Variants in RALB observed in about 807,000 individuals in gnomAD.
The protein encoded by RALB is RAS like proto-oncogene B, also known as ras-related protein Ral-B.
A neutral mutation model predicts 21.3 loss-of-function variants in RALB; 16 were observed. The ratio of observed to expected loss-of-function variants is 0.75; its 90% confidence interval spans 0.51 to 1.14. RALB has a LOEUF of 1.14. RALB is among the 50% of genes most tolerant of loss of function. The pLI is 0.00. For missense variants in RALB, 161 were observed against 256.2 expected (o/e 0.63, Z 2.54); for synonymous variants, 93 against 96.1 (o/e 0.97, Z 0.19).
chr2:120,286,990 C>T lies in RALB; in HGVS notation c.323+908C>T, dbSNP rs557436697. Among the ~76,000 whole-genome samples, 494 of 152,266 alleles carry T rather than the reference C, an allele frequency of 3.2e-3. 3 individuals are homozygous for T. The highest frequency in any genetic ancestry group is 0.014 in the Middle Eastern group (4 of 294). ...ACCCCATGCCCTTCCCTTTCTCCTA[C>T]ATAATTGAGTTTTAAAAAATCTGTT... On this transcript the variant is annotated intron_variant, in intron 3 of 4. Coordinates refer to ENST00000272519, the MANE Select transcript of RALB (RefSeq NM_002881.3).
intron 1 of RALB, among the ~76,000 whole-genome samples, chr2:120,241,681 G>A (rs1558941775): frequency 6.6e-6 from 1 of 152,066 alleles, no homozygotes; most frequent in Admixed American, 6.5e-5. Context: ...AGCTGAGATC[G>A]TGCCATTGTA....
At chr2:120,275,633 A>ATG (rs1430626540) in intron 1 of RALB, among the ~76,000 whole-genome samples, 20 of 151,888 alleles carry the variant, frequency 1.3e-4, no homozygotes, top group Non-Finnish European at 2.1e-4. Flanking sequence ...TCGCCCAGTG[A>ATG]TGTGTGTGTG....
At chr2:120,291,897 C>T (rs1384808443) in intron 4 of RALB, among the ~76,000 whole-genome samples, 1 of 152,060 alleles carries the variant, frequency 6.6e-6, no homozygotes, top group Non-Finnish European at 1.5e-5. Flanking sequence ...GAGGCTTGAT[C>T]TTGCTTTTCA....
intron 1 of RALB, among the ~76,000 whole-genome samples, chr2:120,254,097 G>T (rs1406038118): frequency 6.6e-6 from 1 of 152,232 alleles, no homozygotes; most frequent in Non-Finnish European, 1.5e-5. Flanking sequence ...ACCATGAAAG[G>T]TAGCACTGCA....
intron 1 of RALB, among the ~76,000 whole-genome samples, chr2:120,269,366 T>C (rs1689595237): frequency 6.6e-6 from 1 of 152,204 alleles, no homozygotes; most frequent in Non-Finnish European, 1.5e-5. Flanking sequence ...TAAGATTTAT[T>C]GTGAAGAGTG....
intron 1 of RALB, among the ~76,000 whole-genome samples, chr2:120,258,209 A>C (rs1415855832): frequency 1.3e-5 from 2 of 152,228 alleles, no homozygotes; most frequent in African/African-American, 4.8e-5. Flanking sequence ...AACTTGGCCT[A>C]CACTGGGGTC....
intron 1 of RALB, among the ~76,000 whole-genome samples, chr2:120,247,141 T>C (rs373550575): frequency 1.4e-3 from 217 of 152,194 alleles, no homozygotes; most frequent in African/African-American, 5.0e-3. Flanking sequence ...GCCCAGAGCA[T>C]GCGTCTGCGG....
At chr2:120,286,587 G>A (rs1313122955) in intron 3 of RALB, among the ~76,000 whole-genome samples, 4 of 152,206 alleles carry the variant, frequency 2.6e-5, no homozygotes, top group African/African-American at 9.7e-5. Context: ...TTAGAGTCAG[G>A]AGACCTGGTT....
chr2:120,273,023 A>C (rs1259202481), intron 1 of RALB, among the ~76,000 whole-genome samples: 1 of 152,164 alleles, frequency 6.6e-6, no homozygotes, highest in Non-Finnish European at 1.5e-5. Flanking sequence ...TCTTATCTCT[A>C]ATACCCTGTG....
intron 1 of RALB, among the ~76,000 whole-genome samples, chr2:120,265,002 G>C (rs1689466120): frequency 6.6e-6 from 1 of 152,174 alleles, no homozygotes; most frequent in Non-Finnish European, 1.5e-5. Context: ...TCTATTGATG[G>C]ACATTTGGGT....
At chr2:120,250,181 G>A (rs1423278447), upstream of RALB, among the ~76,000 whole-genome samples, 12 of 152,230 alleles carry the variant, frequency 7.9e-5, no homozygotes, top group East Asian at 5.8e-4. Flanking sequence ...CCTTGCATCC[G>A]TCAGAGCAGG....
chr2:120,286,615 G>A lies in RALB; in HGVS notation c.323+533G>A, dbSNP rs371409732. 9.9e-5 allele frequency among the ~76,000 whole-genome samples: 15 copies of A among 152,282 alleles called. No individual in the cohort carries two copies. The East Asian group carries it at 2.7e-3, about 27-fold the overall frequency. ...ACCTGGTTTGAATCCCTGCCTTGCC[G>A]CTCACTGACCATGGGCAAGTTTACT... On this transcript the variant is annotated intron_variant, in intron 3 of 4. Coordinates refer to ENST00000272519, the MANE Select transcript of RALB (RefSeq NM_002881.3).
At chr2:120,268,352 T>C (rs1343637612) in intron 1 of RALB, among the ~76,000 whole-genome samples, 1 of 152,218 alleles carries the variant, frequency 6.6e-6, no homozygotes, top group Admixed American at 6.5e-5. Flanking sequence ...TGACATACAT[T>C]AGTAGTCTGC....
At chr2:120,249,956 C>T (rs1373403600), upstream of RALB, among the ~76,000 whole-genome samples, 2 of 152,202 alleles carry the variant, frequency 1.3e-5, no homozygotes, top group Non-Finnish European at 2.9e-5. Context: ...AGGCTTATGC[C>T]TCTGCCTGAA....
At chr2:120,292,485 C>T (rs914803871) in intron 4 of RALB, among the ~76,000 whole-genome samples, 2 of 152,184 alleles carry the variant, frequency 1.3e-5, no homozygotes, top group African/African-American at 4.8e-5. Context: ...TCAAGAGCAC[C>T]TGGGAGCAGG....
intron 3 of RALB, 79 bp downstream of exon 3, chr2:120,286,161 T>G: frequency 3.2e-6 from 4 of 1,241,620 alleles, no homozygotes; most frequent in Non-Finnish European, 4.7e-6. Context: ...ATGAAGAATT[T>G]GGGGCTGAGC....
In RALB at chr2:120,278,587, G is replaced by A. The variant is rs13389757; in HGVS notation, c.-47-31G>A. On this transcript the variant is annotated intron_variant, in intron 1 of 4. Coordinates refer to ENST00000272519, the MANE Select transcript of RALB (RefSeq NM_002881.3). ...GTTTTAGCTAGGTTGAAAGCAAATC[G>A]CCTCTAAGTCTTTGTCTTTGTCATC... The A allele has an allele frequency of 7.0e-4, 974 of 1,395,558 alleles. 4 individuals carry two copies. The African/African-American group carries it at 0.013, about 18-fold the overall frequency. The allele number at this position is 1,395,558 out of a possible 1,614,324, so 86.4% of individuals were successfully genotyped here.
At chr2:120,289,468 AT>A (rs377621907) in intron 3 of RALB, 111 bp from the exon 4 acceptor site, 27,371 of 797,390 alleles carry the variant, frequency 0.034, 1 homozygote, top group East Asian at 0.041. Context: ...AAATCTAGTG[AT>A]TTTTTTTTTT....
At chr2:120,283,353 C>T (rs574325053) in intron 2 of RALB, among the ~76,000 whole-genome samples, 4 of 152,144 alleles carry the variant, frequency 2.6e-5, no homozygotes, top group Admixed American at 6.5e-5. Context: ...ACAGTTTTTC[C>T]GATGTGGCCC....
Sources: allele counts gnomAD v4.1 joint callset (sites outside exome capture counted in the v4.1 genomes callset), GRCh38; gene constraint gnomAD v4.1.1; transcripts MANE v1.5; gene names NCBI Gene and HGNC (gene_info 2026-07-23, HGNC 2026-07-21).